The following FBXO41 variants were observed in gnomAD, a reference collection of about 807,000 sequenced individuals.
FBXO41 encodes F-box only protein 41.
FBXO41 carries 33 observed loss-of-function variants against 81.6 expected under a neutral mutation model. The ratio of observed to expected loss-of-function variants is 0.40; its 90% CI spans 0.31 to 0.54. FBXO41 has a LOEUF of 0.54. Among genes scored for constraint, FBXO41 ranks in the 20% least tolerant of loss-of-function variants. The pLI is 0.39. For synonymous variants in FBXO41, 576 were observed against 552.7 expected (o/e 1.04, Z -0.59); for missense variants, 1,107 against 1,236.0 (o/e 0.90, Z 1.56).
intron 1 of FBXO41, among the ~76,000 whole-genome samples, chr2:73,283,643 C>A (rs1157143112): frequency 3.9e-5 from 6 of 152,220 alleles, no homozygotes; most frequent in Non-Finnish European, 8.8e-5. Context: ...AGCACTGTCA[C>A]CAGTACAGGC....
intron 1 of FBXO41, among the ~76,000 whole-genome samples, chr2:73,278,763 G>A (rs372816425): frequency 6.6e-6 from 1 of 152,232 alleles, no homozygotes; most frequent in Non-Finnish European, 1.5e-5. Flanking sequence ...GGTTGGGGTA[G>A]GAGAAGAAAG....
In FBXO41 at chr2:73,265,356, T is replaced by C; in HGVS notation, c.1490A>G (p.Glu497Gly). The stretch of plus-strand genomic sequence containing the variant: ...GGGCGCATCCAACGGGCCCTCAGCC[T>C]CTGACTCAGTGGTTCGGGAGCCAAC... ...SDVGSRTTES[E>G]AEGPLDAPRP... Residue 497 changes from glutamate (E) to glycine (G), a missense_variant, in exon 5 of 13, where the codon GAG becomes GGG. Physicochemically the swap from Glu to Gly is moderately conservative, Grantham distance 98 (BLOSUM62 -2). Around this residue, in one of 2 missense-constraint regions of FBXO41, gnomAD observed 771 missense variants for 789.2 expected, o/e 0.98. Transcript: ENST00000520530. 6.2e-7 allele frequency: 1 copy of C among 1,612,018 alleles called. No individual in the cohort carries two copies. Among genetic ancestry groups the C allele is most frequent in the Non-Finnish European group, 8.5e-7 (1 of 1,179,756 alleles).
chr2:73,265,927 C>A lies in FBXO41; in HGVS notation c.1171G>T (p.Ala391Ser). ...HVGPAVPNTYAVSRHGSSPST... is the reference protein window; with the variant it reads ...HVGPAVPNTYSVSRHGSSPST... Reference sequence around the variant, plus strand: ...GGAGAGGAGCCATGCCGTGACACTGCATATGTGTTAGGCACGGCCGGGCCC... The same window carrying A: ...GGAGAGGAGCCATGCCGTGACACTGAATATGTGTTAGGCACGGCCGGGCCC... The change falls in exon 4 of 13, where the codon GCA (alanine) becomes TCA (serine). Residue 391 changes from alanine to serine, a missense_variant. Ala to Ser is a moderately conservative substitution (Grantham distance 99). Around this residue, in one of 2 missense-constraint regions of FBXO41, gnomAD observed 771 missense variants for 789.2 expected, o/e 0.98. Transcript: ENST00000520530. The A allele has an allele frequency of 1.3e-6, 2 of 1,588,214 alleles. No homozygotes were observed. Among genetic ancestry groups the A allele is most frequent in the Non-Finnish European group, 1.7e-6 (2 of 1,167,156 alleles).
In FBXO41 at chr2:73,265,197, CTG is replaced by C; in HGVS notation, c.1564+83_1564+84del. On this transcript the variant is annotated intron_variant, in intron 5 of 12. Transcript: ENST00000520530. The stretch of plus-strand genomic sequence containing the variant: ...CGCTATGTAGGAGGGGTGGGCAAGT[CTG>C]GGGAAAGGGGAGGGGGGTGCAGGAG... The C allele has an allele frequency of 1.6e-5, 21 of 1,337,662 alleles. 1 individual carries two copies. In the South Asian group the frequency reaches 3.1e-4, roughly 20 times the overall value. 82.9% of individuals were successfully genotyped at this position (1,337,662 alleles called of 1,614,324 possible).
chr2:73,269,443 CCCGAGGCAGCGGCGGCGGCGG>C lies in FBXO41; in HGVS notation c.167_187del (p.Ala56_Ser62del), dbSNP rs781463374. 7.6e-7 allele frequency: 1 copy of C among 1,315,510 alleles called. No homozygotes were observed. Among genetic ancestry groups the C allele is most frequent in the South Asian group, 2.2e-5 (1 of 45,334 alleles). 81.5% of individuals were successfully genotyped at this position (1,315,510 alleles called of 1,614,324 possible). A position where few individuals can be genotyped will look rare whatever the true frequency, so the allele number is the denominator to read the frequency against. On this transcript the variant is annotated inframe_deletion, in exon 2 of 13. Transcript: ENST00000520530. This position sits in a 1 kb window ranked among gnomAD's most constrained non-coding sequence, Gnocchi z 7.0. The stretch of plus-strand genomic sequence containing the variant: ...GGCGGGCTCGGGAGCCAGCGGGAAC[CCCGAGGCAGCGGCGGCGGCGG>C]CCGCGGCGGCGGCGGCGCCGTCGCA...
rs1688295691 is a variant in FBXO41 at position 73,266,762 on chromosome 2, G to A, written c.906-80C>T. 13 of 1,452,316 alleles carry A rather than the reference G, an allele frequency of 9.0e-6. No homozygotes were observed. Among genetic ancestry groups the A allele is most frequent in the East Asian group, 7.7e-5 (3 of 39,094 alleles). 90.0% of individuals were successfully genotyped at this position (1,452,316 alleles called of 1,614,324 possible). A position where few individuals can be genotyped will look rare whatever the true frequency, so the allele number is the denominator to read the frequency against. ...CTCTGGAGGAGAGCCTGGCCAGTGC[G>A]GGGAGACACTGGCACAGCTGCCTGC... On this transcript the variant is annotated intron_variant, in intron 2 of 12. Coordinates refer to ENST00000520530, the MANE Select transcript of FBXO41 (RefSeq NM_001371389.2). This position sits in a 1 kb window ranked among gnomAD's most constrained non-coding sequence, Gnocchi z 5.3.
chr2:73,273,285 A>G (rs1688594559), intron 1 of FBXO41, among the ~76,000 whole-genome samples: 1 of 152,232 alleles, frequency 6.6e-6, no homozygotes, highest in Non-Finnish European at 1.5e-5. Flanking sequence ...TTGGTGAGGG[A>G]TAGTTGCATT....
At position 73,255,585 on chromosome 2, in the gene FBXO41, C is replaced by T. The variant is rs1687776461; in HGVS notation, c.*3397G>A. On this transcript the variant is annotated 3_prime_UTR_variant, in exon 13 of 13. Transcript: ENST00000520530. ...GGCATTTGGGCCTTACACCCACTCACCATCTCCTGTTTTTACCCCAAGTCC... is the reference window on the plus strand; with the variant it reads ...GGCATTTGGGCCTTACACCCACTCATCATCTCCTGTTTTTACCCCAAGTCC... 6.6e-6 allele frequency: 1 copy of T among 152,610 alleles called. No individual in the cohort carries two copies. Among genetic ancestry groups the T allele is most frequent in the South Asian group, 2.1e-4 (1 of 4,822 alleles). 9.5% of individuals were successfully genotyped at this position (152,610 alleles called of 1,614,324 possible).
At position 73,258,782 on chromosome 2, in the gene FBXO41, T is replaced by G; in HGVS notation, c.*200A>C. 1 of 598,442 alleles carries G rather than the reference T, an allele frequency of 1.7e-6. No individual in the cohort carries two copies. The highest frequency in any genetic ancestry group is 2.8e-6 in the Non-Finnish European group (1 of 351,096). 37.1% of individuals were successfully genotyped at this position (598,442 alleles called of 1,614,324 possible). On this transcript the variant is annotated 3_prime_UTR_variant, in exon 13 of 13. Transcript: ENST00000520530. ...GGAGGGCAGCTTCTGTCCAAGCCCC[T>G]GTACTGGGGAGGCAGTGCCCTGGGT...
chr2:73,278,116 T>G (rs1688747660), intron 1 of FBXO41, among the ~76,000 whole-genome samples: 1 of 152,330 alleles, frequency 6.6e-6, no homozygotes, highest in African/African-American at 2.4e-5. Context: ...CTCTTGTCCC[T>G]CTGGGATCCC....
At position 73,257,124 on chromosome 2, in the gene FBXO41, C is replaced by T. The variant is rs1304235910; in HGVS notation, c.*1858G>A. 6.5e-6 allele frequency: 1 copy of T among 152,768 alleles called. No homozygotes were observed. Among genetic ancestry groups the T allele is most frequent in the African/African-American group, 2.4e-5 (1 of 41,462 alleles). 9.5% of individuals were successfully genotyped at this position (152,768 alleles called of 1,614,324 possible). ...GAGGAGAGGAAAGAAAGCTGTGCTG[C>T]TTTTTCCTGACCCCTGAGGACAGGG... On this transcript the variant is annotated 3_prime_UTR_variant, in exon 13 of 13. Coordinates refer to ENST00000520530, the MANE Select transcript of FBXO41 (RefSeq NM_001371389.2). This position sits in a 1 kb window ranked among gnomAD's most constrained non-coding sequence, Gnocchi z 4.6.
rs1210227920 is a variant in FBXO41, at chr2:73,266,044, G to A, written c.1132-78C>T. ...ATGAGCAGGAATAGCAGGGGAAACA[G>A]GGCAAAAGATGGAGAGGAGATGGGG... On this transcript the variant is annotated intron_variant, in intron 3 of 12. Coordinates refer to ENST00000520530, the MANE Select transcript of FBXO41 (RefSeq NM_001371389.2). The surrounding 1 kb of genome is among the most constrained non-coding windows in gnomAD (Gnocchi z 5.3). 3 of 1,312,398 alleles carry A rather than the reference G, an allele frequency of 2.3e-6. No homozygotes were observed. The highest frequency in any genetic ancestry group is 3.2e-6 in the Non-Finnish European group (3 of 934,470). The allele number at this position is 1,312,398 out of a possible 1,614,324, so 81.3% of individuals were successfully genotyped here.
Position 73,260,808 on chromosome 2 carries a change from C to A in FBXO41, c.2222G>T (p.Cys741Phe), listed in dbSNP as rs1447584689. 1 of 1,569,594 alleles carries A rather than the reference C, an allele frequency of 6.4e-7. No individual in the cohort carries two copies. Among genetic ancestry groups the A allele is most frequent in the East Asian group, 2.3e-5 (1 of 42,932 alleles). ...SNRCLQMIGR[C>F]WPHLRALGVG... is the part of the protein sequence containing the mutation. ...CCCCAGGGCCCGCAGGTGGGGCCAA[C>A]AGCGACCAATCATCTGCAGGCAGCG... The change falls in exon 10 of 13, where the codon TGT becomes TTT. Residue 741 changes from cysteine (C) to phenylalanine (F), a missense_variant. This residue lies in a region of FBXO41 where 336 missense variants were observed against 446.7 expected (regional missense o/e 0.75). Transcript: ENST00000520530. This position sits in a 1 kb window ranked among gnomAD's most constrained non-coding sequence, Gnocchi z 5.0.
Position 73,266,501 on chromosome 2 carries a change from C to T in FBXO41, c.1087G>A (p.Gly363Arg), listed in dbSNP as rs774022165. 5 of 1,589,572 alleles carry T rather than the reference C, an allele frequency of 3.1e-6. No homozygotes were observed. The highest frequency in any genetic ancestry group is 4.6e-5 in the East Asian group (2 of 43,442). ...GCATTGGGTCCAGCACCACCGCCCC[C>T]ACCTCCACGGCCCAGGCTGGCGCTG... Reference protein sequence around the residue: ...TPSASLGRGGGGGGAGPNARG... With the variant: ...TPSASLGRGGRGGGAGPNARG... The change falls in exon 3 of 13, where the codon GGG (glycine) becomes AGG (arginine). Residue 363 changes from glycine to arginine, a missense_variant. Physicochemically the swap from Gly to Arg is moderately radical, Grantham distance 125. Coordinates refer to ENST00000520530, the MANE Select transcript of FBXO41 (RefSeq NM_001371389.2). This position sits in a 1 kb window ranked among gnomAD's most constrained non-coding sequence, Gnocchi z 5.3.
intron 9 of FBXO41, among the ~76,000 whole-genome samples, chr2:73,262,050 C>T (rs1040823159): frequency 6.6e-6 from 1 of 152,116 alleles, no homozygotes; most frequent in African/African-American, 2.4e-5. Flanking sequence ...TGGTGAAAGC[C>T]CGTCTCTACT....
At chr2:73,264,591 G>C in intron 5 of FBXO41, 72 bp from the exon 6 acceptor site, 3 of 1,588,726 alleles carry the variant, frequency 1.9e-6, no homozygotes, top group Non-Finnish European at 2.6e-6. Flanking sequence ...GTGGGGAGCT[G>C]GGGCAGGGTA....
Position 73,265,373 on chromosome 2 carries a change from G to A in FBXO41, c.1473C>T (p.Ser491=), listed in dbSNP as rs1463059632. The change falls in exon 5 of 13, where the codon TCC becomes TCT. Residue 491 remains serine (S), a synonymous_variant. Coordinates refer to ENST00000520530, the MANE Select transcript of FBXO41 (RefSeq NM_001371389.2). ...CCTCAGCCTCTGACTCAGTGGTTCGGGAGCCAACGTCGGAGACATCACCCT... is the reference window on the plus strand; with the variant it reads ...CCTCAGCCTCTGACTCAGTGGTTCGAGAGCCAACGTCGGAGACATCACCCT... ...GEEGDVSDVG[S]RTTESEAEGP... 2 of 1,611,848 alleles carry A rather than the reference G, an allele frequency of 1.2e-6. No individual in the cohort carries two copies. The highest frequency in any genetic ancestry group is 2.2e-5 in the East Asian group (1 of 44,876).
rs891255978 is a variant in FBXO41 at position 73,268,981 on chromosome 2, C to G, written c.650G>C (p.Arg217Pro). 1.3e-6 allele frequency: 2 copies of G among 1,538,864 alleles called. No individual in the cohort carries two copies. The highest frequency in any genetic ancestry group is 1.7e-6 in the Non-Finnish European group (2 of 1,146,390). ...CTCCTCGCTCAGCCGCTCCAGCCGC[C>G]GGTCCACCTCCAGCTTCTCCAGCGC... ...IRALEKLEVD[R>P]RLERLSEEVE... The change falls in exon 2 of 13, where the codon CGG (arginine) becomes CCG (proline). Residue 217 changes from arginine (R) to proline (P), a missense_variant. Physicochemically the swap from Arg to Pro is moderately radical, Grantham distance 103. Transcript: ENST00000520530.
At chr2:73,268,051 T>C (rs1292936815) in intron 2 of FBXO41, among the ~76,000 whole-genome samples, 2 of 152,114 alleles carry the variant, frequency 1.3e-5, no homozygotes, top group African/African-American at 4.8e-5. Context: ...TTGAGACAGA[T>C]AGAAGGAAAT....
Sources: gnomAD v4.1 joint callset for allele counts (sites outside exome capture counted in the v4.1 genomes callset) on GRCh38, gnomAD v4.1.1 for gene constraint, gnomAD v4.1.1 regional missense constraint, Gnocchi (gnomAD v3.1) non-coding constraint, MANE v1.5 for transcripts, NCBI Gene and HGNC (gene_info 2026-07-23, HGNC 2026-07-21) for gene names.